MED13: variants seen among roughly 807,000 people sequenced by gnomAD.
MED13 encodes mediator complex subunit 13.
In MED13, 23 loss-of-function variants were observed where a neutral mutation model predicts 225.2. The ratio of observed to expected loss-of-function variants is 0.10; its 90% confidence interval spans 0.07 to 0.14. The LOEUF is 0.14. Among genes scored for constraint, MED13 ranks in the 10% least tolerant of loss-of-function variants. The pLI is 1.00. For synonymous variants in MED13, 942 were observed against 889.2 expected, an observed-to-expected ratio of 1.06 and a Z score of -1.06; for missense variants, 2,197 against 2,594.5, an observed-to-expected ratio of 0.85 and a Z score of 3.33.
At chr17:61,955,859 A>T in intron 24 of MED13, 21 bp from the exon 25 acceptor site, 1 of 1,223,780 alleles carries the variant, frequency 8.2e-7, no homozygotes, top group South Asian at 1.8e-5. Flanking sequence ...CAACAGTAAA[A>T]AAAAAAAAAA....
intron 6 of MED13, chr17:62,031,209 T>C (rs2143677114): frequency 2.6e-6 from 1 of 380,888 alleles, no homozygotes; most frequent in East Asian, 4.9e-5. Context: ...ACATCATGTC[T>C]GTAGGTTGTT....
chr17:62,031,702 C>G (rs1346023236), intron 5 of MED13, 64 bp from the exon 6 acceptor site: 5 of 1,065,930 alleles, frequency 4.7e-6, no homozygotes, highest in Middle Eastern at 2.1e-4. Flanking sequence ...TAGTTTCACT[C>G]AAAAGTACTA....
chr17:62,041,355 T>C (rs1263804109), intron 3 of MED13, among the ~76,000 whole-genome samples: 1 of 151,998 alleles, frequency 6.6e-6, no homozygotes, highest in Non-Finnish European at 1.5e-5. Context: ...CAAAGTAGAA[T>C]GGTGGTTATC....
chr17:62,048,422 A>AG (rs2080922846), intron 3 of MED13, among the ~76,000 whole-genome samples: 1 of 140,352 alleles, frequency 7.1e-6, no homozygotes, highest in Admixed American at 7.1e-5. Flanking sequence ...AAAAAAAAAA[A>AG]GGAAAGAAAA....
In MED13 at chr17:61,987,116, G is replaced by C. The variant is rs1452336444; in HGVS notation, c.2276C>G (p.Pro759Arg). 1.9e-6 allele frequency: 3 copies of C among 1,597,084 alleles called. No homozygotes were observed. The highest frequency in any genetic ancestry group is 2.6e-6 in the Non-Finnish European group (3 of 1,173,766). ...SPSIKQDAPR[P>R]TSHARPPSTS... Reference sequence around the variant, plus strand: ...TGATGGAGGACGGGCATGACTAGTAGGGCGTGGAGCATCTACAAAAGTCAA... The same window carrying C: ...TGATGGAGGACGGGCATGACTAGTACGGCGTGGAGCATCTACAAAAGTCAA... Residue 759 changes from proline to arginine, a missense_variant, in exon 12 of 30, where the codon CCT (proline) becomes CGT (arginine). Physicochemically the swap from Pro to Arg is moderately radical, Grantham distance 103. Transcript: ENST00000397786.
rs759788815 is a variant in MED13, at chr17:62,063,218, T to G, written c.150A>C (p.Glu50Asp). The G allele has an allele frequency of 3.0e-5, 48 of 1,614,182 alleles. No homozygotes were observed. In the South Asian group the frequency reaches 3.8e-4, roughly 13 times the overall value. ...GACTAAAACTGCTCAAAATGGGGTC[T>G]TCTTCTGTCACAGGAAACAGAATAG... ...SAPILFPVTEEDPILSSFSRC... is the reference protein window; with the variant it reads ...SAPILFPVTEDDPILSSFSRC... Residue 50 changes from glutamate to aspartate, a missense_variant, in exon 2 of 30, where the codon GAA (glutamate) becomes GAC (aspartate). This residue lies in a region of MED13 where 884 missense variants were observed against 918.5 expected (regional missense o/e 0.96). Transcript: ENST00000397786.
At position 61,962,876 on chromosome 17, in the gene MED13, A is replaced by G; in HGVS notation, c.4940T>C (p.Phe1647Ser). Residue 1647 changes from phenylalanine (F) to serine (S), a missense_variant, in exon 21 of 30, where the codon TTT becomes TCT. This residue lies in a region of MED13 where 457 missense variants were observed against 442.2 expected (regional missense o/e 1.03). Coordinates refer to ENST00000397786, the MANE Select transcript of MED13 (RefSeq NM_005121.3). ...GCTCTCGTCTGTATTTTCGTATGTA[A>G]AAGGATCAATTATATAAACAACAAT... ...PAIVVYIIDP[F>S]TYENTDESTN... The G allele has an allele frequency of 6.2e-7, 1 of 1,614,148 alleles. No individual in the cohort carries two copies. Among genetic ancestry groups the G allele is most frequent in the East Asian group, 2.2e-5 (1 of 44,866 alleles).
At chr17:62,021,319 T>C (rs1295546478) in intron 8 of MED13, among the ~76,000 whole-genome samples, 9 of 146,280 alleles carry the variant, frequency 6.2e-5, no homozygotes, top group Non-Finnish European at 3.1e-5. Flanking sequence ...GGCGGGGGGC[T>C]GACCCCCCCA....
At chr17:62,026,105 T>C (rs112453318) in intron 8 of MED13, among the ~76,000 whole-genome samples, 3 of 152,318 alleles carry the variant, frequency 2.0e-5, no homozygotes, top group African/African-American at 7.2e-5. Context: ...AAGTTCTGAC[T>C]AGGGATGTCA....
chr17:62,053,570 AATG>A (rs1430224359), intron 2 of MED13, among the ~76,000 whole-genome samples: 1 of 152,210 alleles, frequency 6.6e-6, no homozygotes, highest in African/African-American at 2.4e-5. Context: ...TGCTACAAAT[AATG>A]ATACCACTTC....
Position 61,946,435 on chromosome 17 carries a change from G to C in MED13, c.*33C>G, listed in dbSNP as rs540629578. The C allele has an allele frequency of 1.3e-6, 2 of 1,545,166 alleles. No individual in the cohort carries two copies. The highest frequency in any genetic ancestry group is 3.6e-5 in the Admixed American group (2 of 56,056). On this transcript the variant is annotated 3_prime_UTR_variant, in exon 30 of 30. Transcript: ENST00000397786. Reference sequence around the variant, plus strand: ...TGCAGCGAAACATCCATTTTTCCTTGTTCTTTTCTTGCACAGTTCCATCAA... The same window carrying C: ...TGCAGCGAAACATCCATTTTTCCTTCTTCTTTTCTTGCACAGTTCCATCAA...
At chr17:62,047,782 G>A (rs1039002019) in intron 3 of MED13, among the ~76,000 whole-genome samples, 3 of 151,478 alleles carry the variant, frequency 2.0e-5, no homozygotes, top group Non-Finnish European at 4.4e-5. Context: ...GAGAGAGACG[G>A]GGGTCTAGCT....
intron 18 of MED13, 49 bp downstream of exon 18, chr17:61,967,986 T>A (rs756420768): frequency 7.0e-7 from 1 of 1,431,202 alleles, no homozygotes; most frequent in Admixed American, 1.7e-5. Flanking sequence ...TATACAACAA[T>A]ACAAATCGTA....
rs914735796 is a variant in MED13 at position 61,945,251 on chromosome 17, A to G, written c.*1217T>C. Reference sequence around the variant, plus strand: ...CACACACACACCCATACATATGCATACTCTCACATACATTCCCAATCTTTA... The same window carrying G: ...CACACACACACCCATACATATGCATGCTCTCACATACATTCCCAATCTTTA... On this transcript the variant is annotated 3_prime_UTR_variant, in exon 30 of 30. Transcript: ENST00000397786. 6.6e-6 allele frequency: 1 copy of G among 151,926 alleles called. No homozygotes were observed. Among genetic ancestry groups the G allele is most frequent in the East Asian group, 1.9e-4 (1 of 5,186 alleles). 9.4% of individuals were successfully genotyped at this position (151,926 alleles called of 1,614,324 possible). A position where few individuals can be genotyped will look rare whatever the true frequency, so the allele number is the denominator to read the frequency against.
At chr17:62,008,016 C>CAAAAAAAAAAA (rs60236710) in intron 9 of MED13, among the ~76,000 whole-genome samples, 887 of 50,420 alleles carry the variant, frequency 0.018, 64 homozygotes, top group South Asian at 0.028. Context: ...GAGACTGTCT[C>CAAAAAAAAAAA]AAAAAAAAAA....
chr17:62,027,950 A>G lies in MED13; in HGVS notation c.1283+1591T>C, dbSNP rs139832859. ...GCGAGGTTGAGAAGGAAACATTTAT[A>G]CACTGTTGATGGAAGTGAAAATAGT... On this transcript the variant is annotated intron_variant, in intron 8 of 29. Transcript: ENST00000397786. 2.1e-3 allele frequency among the ~76,000 whole-genome samples: 323 copies of G among 152,356 alleles called. 1 individual carries two copies. The highest frequency in any genetic ancestry group is 6.8e-3 in the African/African-American group (283 of 41,594).
At chr17:61,970,817 G>C (rs2080101920) in intron 17 of MED13, among the ~76,000 whole-genome samples, 2 of 150,178 alleles carry the variant, frequency 1.3e-5, no homozygotes, top group Non-Finnish European at 2.9e-5. Flanking sequence ...TAGGGCCCAG[G>C]AGTTGGAGAC....
intron 9 of MED13, among the ~76,000 whole-genome samples, chr17:61,998,449 T>C (rs1462287862): frequency 6.6e-6 from 1 of 152,234 alleles, no homozygotes; most frequent in Non-Finnish European, 1.5e-5. Flanking sequence ...TAGCTTATGG[T>C]AGCATATGCT....
intron 20 of MED13, among the ~76,000 whole-genome samples, chr17:61,964,402 T>G (rs1425993673): frequency 1.3e-5 from 2 of 151,640 alleles, no homozygotes; most frequent in East Asian, 2.0e-4. Context: ...TGAAACCACA[T>G]CTCTACAAAA....
Sources: gnomAD v4.1 joint callset for allele counts (sites outside exome capture counted in the v4.1 genomes callset) on GRCh38, gnomAD v4.1.1 for gene constraint, gnomAD v4.1.1 regional missense constraint, MANE v1.5 for transcripts, NCBI Gene and HGNC (gene_info 2026-07-23, HGNC 2026-07-21) for gene names.